The following UBXN2A variants were observed in gnomAD, a reference collection of about 807,000 sequenced individuals.
UBXN2A encodes the protein UBX domain-containing protein 2A.
A neutral mutation model predicts 28.4 loss-of-function variants in UBXN2A; 28 were observed. The observed-to-expected ratio is 0.99, with a 90% CI of 0.73 to 1.35. The LOEUF is 1.35. Ranked by LOEUF, UBXN2A falls within the 40% of genes most tolerant of loss-of-function variation. The probability of loss-of-function intolerance (pLI) is 0.00; values close to 1 mark genes in which losing one functional copy is unlikely to be tolerated. For synonymous variants in UBXN2A, 97 were observed against 103.6 expected (o/e 0.94, Z 0.39); for missense variants, 253 against 297.9 (o/e 0.85, Z 1.11).
At chr2:23,963,112 T>C (rs1707006252) in intron 2 of UBXN2A, among the ~76,000 whole-genome samples, 1 of 152,136 alleles carries the variant, frequency 6.6e-6, no homozygotes, top group Non-Finnish European at 1.5e-5. Flanking sequence ...TGGGAAAGAC[T>C]TGCTCCCATG....
intron 1 of UBXN2A, among the ~76,000 whole-genome samples, chr2:23,945,381 A>T (rs542058994): frequency 2.0e-5 from 3 of 152,358 alleles, no homozygotes; most frequent in South Asian, 4.1e-4. Flanking sequence ...TTTCCAAAAG[A>T]TTTCATTTTC....
chr2:23,991,862 G>T (rs1047773692), intron 6 of UBXN2A, among the ~76,000 whole-genome samples: 1 of 152,040 alleles, frequency 6.6e-6, no homozygotes, highest in African/African-American at 2.4e-5. Context: ...CATGATCTTG[G>T]CTCATTGAAA....
Position 24,004,344 on chromosome 2 carries a change from T to A in UBXN2A, c.*4477T>A, listed in dbSNP as rs939429176. The A allele has an allele frequency of 7.9e-5, 12 of 152,280 alleles. No homozygotes were observed. Among genetic ancestry groups the A allele is most frequent in the African/African-American group, 2.6e-4 (11 of 41,558 alleles). The allele number at this position is 152,280 out of a possible 1,614,324, so 9.4% of individuals were successfully genotyped here. A position where few individuals can be genotyped will look rare whatever the true frequency, so the allele number is the denominator to read the frequency against. ...GTCTTCAGTTTCTTGAAAATAATTG[T>A]TAGGGCTGATATATAGAAATACATA... On this transcript the variant is annotated 3_prime_UTR_variant, in exon 7 of 7. Transcript: ENST00000309033.
Position 23,933,345 on chromosome 2 carries a change from A to G in UBXN2A, c.-138+5730A>G, listed in dbSNP as rs557073671. 2.6e-5 allele frequency among the ~76,000 whole-genome samples: 4 copies of G among 152,090 alleles called. No individual in the cohort carries two copies. In the South Asian group the frequency reaches 8.3e-4, roughly 32 times the overall value. On this transcript the variant is annotated intron_variant, in intron 1 of 7. Coordinates refer to the UBXN2A transcript ENST00000404924. ...AACATGGAGAAACCCCATCTCTACT[A>G]AAAATACAAAATTAGCTGGGCCTGG... is the stretch of plus-strand genomic sequence containing the variant.
At chr2:23,977,836 A>AT (rs1208665442) in intron 4 of UBXN2A, among the ~76,000 whole-genome samples, 103 of 149,908 alleles carry the variant, frequency 6.9e-4, no homozygotes, top group African/African-American at 2.2e-3. Context: ...CACAACTACA[A>AT]TTTTTTTTTT....
At chr2:23,965,462 TTGATA>T in intron 2 of UBXN2A, among the ~76,000 whole-genome samples, 1 of 152,318 alleles carries the variant, frequency 6.6e-6, no homozygotes, top group East Asian at 1.9e-4. Context: ...TCTGCATATG[TTGATA>T]TGATTATATT....
At chr2:23,961,047 G>A (rs575903602) in intron 2 of UBXN2A, among the ~76,000 whole-genome samples, 5 of 152,136 alleles carry the variant, frequency 3.3e-5, no homozygotes, top group Admixed American at 1.3e-4. Context: ...ATGTTTTCAA[G>A]GTTCACCTAT....
intron 6 of UBXN2A, among the ~76,000 whole-genome samples, chr2:23,992,684 T>C (rs533025813): frequency 6.6e-6 from 1 of 152,354 alleles, no homozygotes; most frequent in South Asian, 2.1e-4. Flanking sequence ...TCTTGAACCC[T>C]GTCAACCTTT....
upstream of UBXN2A, among the ~76,000 whole-genome samples, chr2:23,937,207 T>C (rs1476567009): frequency 6.6e-6 from 1 of 152,026 alleles, no homozygotes; most frequent in African/African-American, 2.4e-5. Flanking sequence ...CTAGAGCAGT[T>C]AGACAATAAA....
Position 24,004,715 on chromosome 2 carries a change from C to T in UBXN2A, c.*4848C>T, listed in dbSNP as rs1282592762. 1 of 152,144 alleles carries T rather than the reference C, an allele frequency of 6.6e-6. No homozygotes were observed. Among genetic ancestry groups the T allele is most frequent in the Non-Finnish European group, 1.5e-5 (1 of 68,020 alleles). 9.4% of individuals were successfully genotyped at this position (152,144 alleles called of 1,614,324 possible). A position where few individuals can be genotyped will look rare whatever the true frequency, so the allele number is the denominator to read the frequency against. The stretch of plus-strand genomic sequence containing the variant: ...CAGATTGTGGTTTATTGGTTAATTA[C>T]TATGCATTTTTTTCAGTTTAAAAAA... On this transcript the variant is annotated 3_prime_UTR_variant, in exon 7 of 7. Coordinates refer to ENST00000309033, the MANE Select transcript of UBXN2A (RefSeq NM_181713.4).
rs1454336991 is a variant in UBXN2A, at chr2:24,001,398, CAGTTAGACCTCA to C, written c.*1533_*1544del. 6 of 152,108 alleles carry C rather than the reference CAGTTAGACCTCA, an allele frequency of 3.9e-5. No homozygotes were observed. Among genetic ancestry groups the C allele is most frequent in the African/African-American group, 1.4e-4 (6 of 41,430 alleles). 9.4% of individuals were successfully genotyped at this position (152,108 alleles called of 1,614,324 possible). On this transcript the variant is annotated 3_prime_UTR_variant, in exon 7 of 7. Transcript: ENST00000309033. ...TTATATCTCAGACTTTAACTAAATC[CAGTTAGACCTCA>C]ATTTTTCACTGTCAGATTAAATCCC...
intron 2 of UBXN2A, among the ~76,000 whole-genome samples, chr2:23,967,394 G>A (rs1221316682): frequency 2.6e-5 from 4 of 152,134 alleles, no homozygotes; most frequent in Non-Finnish European, 4.4e-5. Context: ...AGAAGAAACA[G>A]TTAAATACCA....
chr2:23,954,632 G>A (rs1706528023), intron 1 of UBXN2A, among the ~76,000 whole-genome samples: 1 of 151,828 alleles, frequency 6.6e-6, no homozygotes. Context: ...TCTCATTATG[G>A]TTTTGATTTG....
At chr2:23,974,208 G>A (rs1707551083) in intron 3 of UBXN2A, among the ~76,000 whole-genome samples, 1 of 147,408 alleles carries the variant, frequency 6.8e-6, no homozygotes, top group African/African-American at 2.5e-5. Context: ...TAGTGGAGAC[G>A]GAGTTTCACC....
intron 1 of UBXN2A, among the ~76,000 whole-genome samples, chr2:23,942,003 G>A (rs1435732924): frequency 6.6e-6 from 1 of 152,148 alleles, no homozygotes; most frequent in Admixed American, 6.6e-5. Context: ...GCTTGAGCCG[G>A]CGAGAGGTAG....
chr2:23,971,701 G>T (rs1707429842), intron 3 of UBXN2A, among the ~76,000 whole-genome samples: 2 of 152,020 alleles, frequency 1.3e-5, no homozygotes, highest in African/African-American at 4.8e-5. Flanking sequence ...TGTTGCCCAG[G>T]CTGGTCTCAA....
chr2:23,988,122 C>CAA (rs34140980), intron 6 of UBXN2A, among the ~76,000 whole-genome samples: 19 of 121,042 alleles, frequency 1.6e-4, no homozygotes, highest in Non-Finnish European at 3.1e-4. Flanking sequence ...GGCTCCATCT[C>CAA]AAAAAAAAAA....
At chr2:23,956,246 G>A (rs1706618681) in intron 1 of UBXN2A, among the ~76,000 whole-genome samples, 2 of 152,074 alleles carry the variant, frequency 1.3e-5, no homozygotes, top group Admixed American at 1.3e-4. Context: ...GAATCCACTA[G>A]TATTGTTATT....
At chr2:23,983,373 G>A (rs1314880860) in intron 5 of UBXN2A, among the ~76,000 whole-genome samples, 1 of 151,992 alleles carries the variant, frequency 6.6e-6, no homozygotes, top group African/African-American at 2.4e-5. Context: ...CAGGCGTGGT[G>A]GCATGTGTCT....
Sources: gnomAD v4.1 joint callset for allele counts (sites outside exome capture counted in the v4.1 genomes callset) on GRCh38, gnomAD v4.1.1 for gene constraint, MANE v1.5 for transcripts, NCBI Gene and HGNC (gene_info 2026-07-23, HGNC 2026-07-21) for gene names.